ADGRF5: variants seen among roughly 807,000 people sequenced by gnomAD.
ADGRF5 encodes G-protein coupled receptor 116.
ADGRF5 carries 75 observed loss-of-function variants against 132.3 expected under a neutral mutation model. The observed-to-expected ratio is 0.57, with a 90% CI of 0.47 to 0.69. ADGRF5 has a LOEUF of 0.69. Among genes scored for constraint, ADGRF5 ranks in the 30% least tolerant of loss-of-function variants. ADGRF5 has a pLI of 0.00. For synonymous variants in ADGRF5, 629 were observed against 597.6 expected (o/e 1.05, Z -0.77); for missense variants, 1,516 against 1,630.6 (o/e 0.93, Z 1.21).
At chr6:46,878,446 GTGT>G in intron 9 of ADGRF5, 41 bp from the exon 10 acceptor site, 1 of 1,209,428 alleles carries the variant, frequency 8.3e-7, no homozygotes, top group Non-Finnish European at 1.2e-6. Flanking sequence ...TATAACACAT[GTGT>G]ATTTTCTTAG....
At chr6:46,940,972 A>C (rs1778025361) in intron 1 of ADGRF5, among the ~76,000 whole-genome samples, 1 of 152,208 alleles carries the variant, frequency 6.6e-6, no homozygotes, top group African/African-American at 2.4e-5. Flanking sequence ...CTTCACACTC[A>C]GAGTCTGCTC....
chr6:46,865,228 C>A (rs1483609838), intron 13 of ADGRF5, 31 bp from the exon 14 acceptor site: 2 of 1,531,352 alleles, frequency 1.3e-6, no homozygotes, highest in South Asian at 1.1e-5. Context: ...AGAATTAAGT[C>A]ACAACATGAG....
chr6:46,866,731 A>C (rs1770492199), intron 13 of ADGRF5, among the ~76,000 whole-genome samples, 194 bp downstream of exon 13: 1 of 152,060 alleles, frequency 6.6e-6, no homozygotes, highest in African/African-American at 2.4e-5. Flanking sequence ...GCAAACTCCC[A>C]AGATTGTACC....
chr6:46,868,850 G>A (rs927666020), intron 12 of ADGRF5, 33 bp downstream of exon 12: 2 of 1,373,492 alleles, frequency 1.5e-6, no homozygotes, highest in Non-Finnish European at 1.0e-6. Context: ...AAGAGCCCAG[G>A]CAGCACAATA....
rs371966223 is a variant in ADGRF5, at chr6:46,856,041, T to A, written c.3894A>T (p.Ser1298=). ...SQHSKSTSLG[S]STPVFSMSSP... ...AACTCATAGAAAACACAGGTGTGGATGAACCCAGGGATGTTGACTAGAAGA... is the reference window on the plus strand; with the variant it reads ...AACTCATAGAAAACACAGGTGTGGAAGAACCCAGGGATGTTGACTAGAAGA... Residue 1298 remains serine (S), a synonymous_variant, in exon 20 of 21, where the codon TCA becomes TCT. Coordinates refer to ENST00000283296, the MANE Select transcript of ADGRF5 (RefSeq NM_001098518.2). 3.3e-5 allele frequency: 52 copies of A among 1,590,720 alleles called. No homozygotes were observed. The highest frequency in any genetic ancestry group is 1.0e-4 in the Admixed American group (6 of 58,852).
Position 46,858,393 on chromosome 6 carries a change from C to A in ADGRF5, c.3510G>T (p.Lys1170Asn), listed in dbSNP as rs1338210074. 1 of 1,613,844 alleles carries A rather than the reference C, an allele frequency of 6.2e-7. No homozygotes were observed. The highest frequency in any genetic ancestry group is 8.5e-7 in the Non-Finnish European group (1 of 1,179,894). Reference sequence around the variant, plus strand: ...CTGGGATGGCGAAAGCCAGCAGGGCCTTGGTGTCCTCCCAGTTGAGCCAAC... The same window carrying A: ...CTGGGATGGCGAAAGCCAGCAGGGCATTGGTGTCCTCCCAGTTGAGCCAAC... ...NVCWLNWEDT[K>N]ALLAFAIPAL... Residue 1170 changes from lysine (K) to asparagine (N), a missense_variant, in exon 17 of 21, where the codon AAG becomes AAT. This residue lies in a region of ADGRF5 where 571 missense variants were observed against 701.2 expected (regional missense o/e 0.81). Coordinates refer to ENST00000283296, the MANE Select transcript of ADGRF5 (RefSeq NM_001098518.2).
intron 2 of ADGRF5, among the ~76,000 whole-genome samples, chr6:46,902,663 A>C (rs944199195): frequency 6.6e-6 from 1 of 152,130 alleles, no homozygotes; most frequent in African/African-American, 2.4e-5. Context: ...TATGGTGATC[A>C]TCTGGAACTT....
At chr6:46,897,145 TACACACACACACACAC>T (rs10655432) in intron 3 of ADGRF5, among the ~76,000 whole-genome samples, 1 of 141,780 alleles carries the variant, frequency 7.1e-6, no homozygotes, top group Non-Finnish European at 1.5e-5. Flanking sequence ...TGCATATATA[TACACACACACACACAC>T]ACACACACAC....
At chr6:46,946,325 A>G (rs1778300704) in intron 1 of ADGRF5, among the ~76,000 whole-genome samples, 1 of 152,196 alleles carries the variant, frequency 6.6e-6, no homozygotes, top group African/African-American at 2.4e-5. Context: ...CTGACAGTAA[A>G]TGAGTTGGAT....
chr6:46,900,466 C>G (rs1209031436), intron 2 of ADGRF5, among the ~76,000 whole-genome samples: 1 of 152,206 alleles, frequency 6.6e-6, no homozygotes, highest in Non-Finnish European at 1.5e-5. Context: ...AGACAAGTCT[C>G]ACGACCTCCT....
chr6:46,888,601 C>A, intron 3 of ADGRF5, 96 bp from the exon 4 acceptor site: 1 of 816,316 alleles, frequency 1.2e-6, no homozygotes, highest in South Asian at 1.6e-5. Flanking sequence ...ATGACAGGTA[C>A]ATGTGAATGG....
upstream of ADGRF5, among the ~76,000 whole-genome samples, chr6:46,923,846 ACCCTG>A: frequency 6.6e-6 from 1 of 152,212 alleles, no homozygotes; most frequent in South Asian, 2.1e-4. Context: ...GGATGGAGAG[ACCCTG>A]CCCTGTCGTA....
chr6:46,865,339 T>G, intron 13 of ADGRF5, 142 bp from the exon 14 acceptor site: 1 of 617,046 alleles, frequency 1.6e-6, no homozygotes, highest in Non-Finnish European at 2.8e-6. Context: ...GTTTTACCTC[T>G]GGGTTTTGAA....
In ADGRF5 at chr6:46,916,056, C is replaced by T. The variant is rs915592595; in HGVS notation, c.-25+5657G>A. 7.9e-5 allele frequency among the ~76,000 whole-genome samples: 12 copies of T among 152,264 alleles called. No homozygotes were observed. In the East Asian group the frequency reaches 2.1e-3, roughly 27 times the overall value. ...GCCTCACTGTGCGCCCTGCCAAATA[C>T]CTCTCCTGGGTCTACAGCTCTTCTC... On this transcript the variant is annotated intron_variant, in intron 1 of 20. Coordinates refer to ENST00000283296, the MANE Select transcript of ADGRF5 (RefSeq NM_001098518.2).
chr6:46,912,215 G>A (rs1776013109), intron 1 of ADGRF5, among the ~76,000 whole-genome samples: 2 of 152,150 alleles, frequency 1.3e-5, no homozygotes, highest in Admixed American at 1.3e-4. Context: ...GTGCAGAATT[G>A]TTTACAAAAG....
chr6:46,859,747 A>G lies in ADGRF5; in HGVS notation c.2380-224T>C, dbSNP rs190284325. Among the ~76,000 whole-genome samples the G allele has an allele frequency of 8.5e-5, 13 of 152,312 alleles. No individual in the cohort carries two copies. The South Asian group carries it at 1.2e-3, about 15-fold the overall frequency. On this transcript the variant is annotated intron_variant, in intron 16 of 20. Coordinates refer to ENST00000283296, the MANE Select transcript of ADGRF5 (RefSeq NM_001098518.2). Reference sequence around the variant, plus strand: ...TGCCAGTAAGCATTTAGCAATGGTGACAGTGAGAGTCACACCCACTACACA... The same window carrying G: ...TGCCAGTAAGCATTTAGCAATGGTGGCAGTGAGAGTCACACCCACTACACA...
At chr6:46,937,032 T>C (rs1002239487) in intron 1 of ADGRF5, among the ~76,000 whole-genome samples, 1 of 152,204 alleles carries the variant, frequency 6.6e-6, no homozygotes, top group Non-Finnish European at 1.5e-5. Flanking sequence ...AACCCATGGC[T>C]GCTCAATGCT....
chr6:46,883,808 C>A, intron 5 of ADGRF5, 143 bp from the exon 6 acceptor site: 1 of 607,264 alleles, frequency 1.6e-6, no homozygotes, highest in Non-Finnish European at 2.9e-6. Context: ...ACGGCACGAT[C>A]TCAGCTCACT....
chr6:46,939,395 A>G (rs1485423543), intron 1 of ADGRF5, among the ~76,000 whole-genome samples: 1 of 152,204 alleles, frequency 6.6e-6, no homozygotes, highest in African/African-American at 2.4e-5. Flanking sequence ...TGGTTTGAGA[A>G]GAGTGTAGAG....
Sources: allele counts gnomAD v4.1 joint callset (sites outside exome capture counted in the v4.1 genomes callset), GRCh38; gene constraint gnomAD v4.1.1; regional missense constraint gnomAD v4.1.1; transcripts MANE v1.5; gene names NCBI Gene and HGNC (gene_info 2026-07-23, HGNC 2026-07-21).